L3MBTL4: variants seen among roughly 807,000 people sequenced by gnomAD.
The protein encoded by L3MBTL4 is L3MBTL histone methyl-lysine binding protein 4.
A neutral mutation model predicts 84.5 loss-of-function variants in L3MBTL4; 70 were observed. The ratio of observed to expected loss-of-function variants is 0.83; its 90% CI spans 0.68 to 1.01. The LOEUF (loss-of-function observed/expected upper bound fraction) is 1.01. Among genes scored for constraint, L3MBTL4 ranks in the 50% least tolerant of loss-of-function variants. L3MBTL4 has a pLI of 0.00. For missense variants in L3MBTL4, 715 were observed against 754.8 expected (o/e 0.95, Z 0.62); for synonymous variants, 274 against 259.8 (o/e 1.05, Z -0.52).
chr18:6,269,003 G>A (rs1176713315), intron 4 of L3MBTL4, among the ~76,000 whole-genome samples: 5 of 151,994 alleles, frequency 3.3e-5, no homozygotes, highest in African/African-American at 7.2e-5. Context: ...CCCTAGCTCG[G>A]GCACCCCCAC....
At chr18:6,079,104 T>G (rs1227555569) in intron 16 of L3MBTL4, among the ~76,000 whole-genome samples, 1 of 152,148 alleles carries the variant, frequency 6.6e-6, no homozygotes, top group East Asian at 1.9e-4. Flanking sequence ...TCTGCTCACC[T>G]CCTGCTATGC....
At chr18:6,156,733 C>A (rs1332010945) in intron 13 of L3MBTL4, among the ~76,000 whole-genome samples, 1 of 152,158 alleles carries the variant, frequency 6.6e-6, no homozygotes, top group African/African-American at 2.4e-5. Flanking sequence ...TTGTTTCATC[C>A]ATTTTAGAAG....
chr18:6,241,247 A>G, intron 8 of L3MBTL4, 111 bp downstream of exon 8: 1 of 693,534 alleles, frequency 1.4e-6, no homozygotes, highest in Non-Finnish European at 2.5e-6. Context: ...ACAGGAAGTT[A>G]ACAGTTTCCA....
At chr18:6,271,784 C>T (rs1015147438) in intron 4 of L3MBTL4, among the ~76,000 whole-genome samples, 2 of 152,116 alleles carry the variant, frequency 1.3e-5, no homozygotes, top group African/African-American at 4.8e-5. Context: ...CGACAGAGAC[C>T]TGGGGGCTCC....
chr18:6,100,396 C>G (rs2058781567), intron 14 of L3MBTL4, among the ~76,000 whole-genome samples: 1 of 152,064 alleles, frequency 6.6e-6, no homozygotes, highest in Admixed American at 6.6e-5. Flanking sequence ...TCTATTCTGT[C>G]ATTTGTTTCA....
chr18:6,380,624 G>A (rs1176767205), intron 1 of L3MBTL4, among the ~76,000 whole-genome samples: 1 of 152,204 alleles, frequency 6.6e-6, no homozygotes, highest in Non-Finnish European at 1.5e-5. Flanking sequence ...TAGTTGTGCG[G>A]TTTTAAGTGA....
intron 10 of L3MBTL4, among the ~76,000 whole-genome samples, chr18:6,229,669 A>C (rs1482466146): frequency 1.3e-5 from 2 of 152,138 alleles, no homozygotes; most frequent in Non-Finnish European, 2.9e-5. Context: ...TTTGTATAAG[A>C]GTCCAATTTC....
intron 1 of L3MBTL4, among the ~76,000 whole-genome samples, chr18:6,368,567 C>G (rs1193472009): frequency 6.6e-6 from 1 of 152,182 alleles, no homozygotes; most frequent in African/African-American, 2.4e-5. Context: ...TTATTATCTT[C>G]ATTTTGCAGA....
intron 5 of L3MBTL4, among the ~76,000 whole-genome samples, chr18:6,252,324 A>G (rs1166964122): frequency 6.6e-6 from 1 of 152,202 alleles, no homozygotes; most frequent in African/African-American, 2.4e-5. Flanking sequence ...GAAAAAAGAA[A>G]AAAGCAAGAC....
intron 14 of L3MBTL4, among the ~76,000 whole-genome samples, chr18:6,128,327 A>G (rs770110188): frequency 6.6e-6 from 1 of 152,178 alleles, no homozygotes; most frequent in Admixed American, 6.5e-5. Flanking sequence ...TAGAAAAGAG[A>G]GTATTATTGA....
At chr18:6,069,704 A>G (rs1375756517) in intron 16 of L3MBTL4, among the ~76,000 whole-genome samples, 3 of 152,164 alleles carry the variant, frequency 2.0e-5, no homozygotes, top group South Asian at 2.1e-4. Context: ...AGGAGCAGGC[A>G]GCAGTAAGCC....
chr18:6,121,730 G>A (rs901862730), intron 14 of L3MBTL4, among the ~76,000 whole-genome samples: 3 of 150,454 alleles, frequency 2.0e-5, no homozygotes, highest in African/African-American at 7.4e-5. Flanking sequence ...ATGTGTGTGT[G>A]CATGTTTGTA....
chr18:6,075,622 T>C (rs1012804864), intron 16 of L3MBTL4, among the ~76,000 whole-genome samples: 1 of 152,068 alleles, frequency 6.6e-6, no homozygotes, highest in Non-Finnish European at 1.5e-5. Context: ...ACAAAAACTA[T>C]AAATGGCACA....
intron 16 of L3MBTL4, among the ~76,000 whole-genome samples, chr18:6,034,112 T>C (rs574525846): frequency 1.3e-5 from 2 of 152,292 alleles, no homozygotes; most frequent in South Asian, 4.1e-4. Context: ...CTCAGTTTTG[T>C]TTATAAGGGA....
intron 16 of L3MBTL4, chr18:6,030,515 T>G (rs77881621): frequency 2.5e-6 from 2 of 787,986 alleles, no homozygotes; most frequent in Non-Finnish European, 3.1e-6. Flanking sequence ...TTTTTTTTTT[T>G]GGAGAAGGAG....
intron 17 of L3MBTL4, among the ~76,000 whole-genome samples, 159 bp from the exon 18 acceptor site, chr18:5,960,315 A>G (rs1264166890): frequency 6.6e-6 from 1 of 152,194 alleles, no homozygotes; most frequent in Non-Finnish European, 1.5e-5. Context: ...CAACTCAGAA[A>G]TTAGACCAGC....
intron 1 of L3MBTL4, among the ~76,000 whole-genome samples, chr18:6,375,960 G>C (rs2054350359): frequency 6.6e-6 from 1 of 152,222 alleles, no homozygotes; most frequent in Non-Finnish European, 1.5e-5. Flanking sequence ...TGTGGCTACA[G>C]TGTTGTGGCT....
In L3MBTL4 at chr18:6,007,527, T is replaced by A. The variant is rs115353406; in HGVS notation, c.1445-37965A>T. 8.6e-3 allele frequency among the ~76,000 whole-genome samples: 1,303 copies of A among 152,314 alleles called. 14 individuals carry two copies. Among genetic ancestry groups the A allele is most frequent in the African/African-American group, 0.029 (1,210 of 41,574 alleles). On this transcript the variant is annotated intron_variant, in intron 16 of 18. Coordinates refer to ENST00000317931, the MANE Select transcript of L3MBTL4 (RefSeq NM_001330559.2). Reference sequence around the variant, plus strand: ...ACAGGAAAGAATGTAAATCAATATATTATGTATGTTGGGTGATTGGTTATT... The same window carrying A: ...ACAGGAAAGAATGTAAATCAATATAATATGTATGTTGGGTGATTGGTTATT...
chr18:6,128,349 A>G (rs2059770027), intron 14 of L3MBTL4, among the ~76,000 whole-genome samples: 1 of 152,206 alleles, frequency 6.6e-6, no homozygotes, highest in Non-Finnish European at 1.5e-5. Context: ...AAATAAAATG[A>G]GAACACCTCC....
Sources: gnomAD v4.1 joint callset for allele counts (sites outside exome capture counted in the v4.1 genomes callset) on GRCh38, gnomAD v4.1.1 for gene constraint, MANE v1.5 for transcripts, NCBI Gene and HGNC (gene_info 2026-07-23, HGNC 2026-07-21) for gene names.